The following DIP2C variants were observed in gnomAD, a reference collection of about 807,000 sequenced individuals.
DIP2C encodes the protein disco-interacting protein 2 homolog C.
A neutral mutation model predicts 192.4 loss-of-function variants in DIP2C; 33 were observed. The observed-to-expected ratio is 0.17, with a 90% CI of 0.13 to 0.23. The LOEUF is 0.23. Among genes scored for constraint, DIP2C ranks in the 10% least tolerant of loss-of-function variants. The pLI is 1.00. For missense variants in DIP2C, 1,537 were observed against 2,110.1 expected (o/e 0.73, Z 5.32); for synonymous variants, 979 against 864.1 (o/e 1.13, Z -2.33).
At chr10:556,488 C>T (rs1030248375) in intron 1 of DIP2C, among the ~76,000 whole-genome samples, 21 of 149,822 alleles carry the variant, frequency 1.4e-4, no homozygotes, top group Admixed American at 1.0e-3. Flanking sequence ...TGGCAGCGGC[C>T]ACCTGACTCT....
Position 652,982 on chromosome 10 carries a change from G to A in DIP2C, c.85+36512C>T, listed in dbSNP as rs549306083. On this transcript the variant is annotated intron_variant, in intron 1 of 36. Coordinates refer to ENST00000280886, the MANE Select transcript of DIP2C (RefSeq NM_014974.3). This position sits in a 1 kb window ranked among gnomAD's most constrained non-coding sequence, Gnocchi z 4.5. ...CTGTGGGCATCTCAAGGTGCCCCAC[G>A]TCCCCAAAGACCAAGGGGTCACAGC... 1.1e-3 allele frequency among the ~76,000 whole-genome samples: 169 copies of A among 152,010 alleles called. No individual in the cohort carries two copies. The highest frequency in any genetic ancestry group is 4.0e-3 in the African/African-American group (164 of 41,422).
intron 1 of DIP2C, among the ~76,000 whole-genome samples, chr10:556,338 G>A (rs74115054): frequency 0.25 from 4,337 of 17,358 alleles, 180 homozygotes; most frequent in East Asian, 0.3. Context: ...ATCCCAGGAC[G>A]GCACCCACCC....
chr10:344,797 C>T lies in DIP2C; in HGVS notation c.3453+12G>A. ...TGCCTCCATGGCCACCGCCCGCAGC[C>T]ACCCCCCTCACCTTTACGCCAGCTA... On this transcript the variant is annotated intron_variant, in intron 28 of 36. Transcript: ENST00000280886. 1 of 1,573,466 alleles carries T rather than the reference C, an allele frequency of 6.4e-7. No homozygotes were observed. Among genetic ancestry groups the T allele is most frequent in the Non-Finnish European group, 8.6e-7 (1 of 1,159,736 alleles).
chr10:274,631 A>G lies in DIP2C; in HGVS notation c.*2694T>C, dbSNP rs1954422423. ...GTTGAGTACATGAGTTTCTCTAACC[A>G]GTCACCACACTCTGAAATAACGCTG... On this transcript the variant is annotated 3_prime_UTR_variant, in exon 37 of 37. Transcript: ENST00000280886. The G allele has an allele frequency of 6.6e-6, 1 of 152,234 alleles. No homozygotes were observed. The highest frequency in any genetic ancestry group is 1.5e-5 in the Non-Finnish European group (1 of 68,036). The allele number at this position is 152,234 out of a possible 1,614,324, so 9.4% of individuals were successfully genotyped here.
chr10:396,071 G>A (rs1963965174), intron 10 of DIP2C, among the ~76,000 whole-genome samples: 2 of 152,168 alleles, frequency 1.3e-5, no homozygotes, highest in Admixed American at 1.3e-4. Context: ...TGTGGGAGAG[G>A]AAAACTGTCC....
rs184171662 is a variant in DIP2C at position 408,394 on chromosome 10, T to G, written c.1149+532A>C. On this transcript the variant is annotated intron_variant, in intron 9 of 36. Transcript: ENST00000280886. ...GAAATATGACACCTACAATTTACTT[T>G]TAAAAGAGGCCAAACGTGTTCAATA... 7.2e-5 allele frequency among the ~76,000 whole-genome samples: 11 copies of G among 152,322 alleles called. No homozygotes were observed. In the East Asian group the frequency reaches 1.9e-3, roughly 27 times the overall value.
chr10:606,638 G>A (rs915444020), intron 1 of DIP2C, among the ~76,000 whole-genome samples: 13 of 152,120 alleles, frequency 8.5e-5, no homozygotes, highest in Non-Finnish European at 1.6e-4. Flanking sequence ...GGGATCTCAT[G>A]GCCCCACTGC....
chr10:358,224 C>T (rs982023558), intron 22 of DIP2C, among the ~76,000 whole-genome samples: 1 of 151,878 alleles, frequency 6.6e-6, no homozygotes, highest in African/African-American at 2.4e-5. Context: ...CCCCGTGTGC[C>T]GGCACTCACA....
rs528680786 is a variant in DIP2C at position 361,662 on chromosome 10, A to G, written c.2794+828T>C. The stretch of plus-strand genomic sequence containing the variant: ...TCACTTCGGAGTTTACAATGAGGAT[A>G]CCCTGGAGAGCGCTGACACCATTAT... On this transcript the variant is annotated intron_variant, in intron 22 of 36. Transcript: ENST00000280886. 2.0e-5 allele frequency among the ~76,000 whole-genome samples: 3 copies of G among 152,274 alleles called. No individual in the cohort carries two copies. The East Asian group carries it at 5.8e-4, about 29-fold the overall frequency.
intron 32 of DIP2C, among the ~76,000 whole-genome samples, chr10:305,744 A>G (rs963539451): frequency 5.3e-5 from 8 of 152,118 alleles, no homozygotes; most frequent in African/African-American, 1.7e-4. Context: ...TCTCAGGATC[A>G]AGCAGTCCTC....
chr10:284,744 TCA>T lies in DIP2C; in HGVS notation c.4120-1300_4120-1299del, dbSNP rs201336183. Among the ~76,000 whole-genome samples the T allele has an allele frequency of 1.6e-3, 242 of 151,462 alleles. 1 individual carries two copies. The highest frequency in any genetic ancestry group is 5.5e-3 in the African/African-American group (227 of 41,362). ...ACAGAATAGATCCTAAATGTTCTCA[TCA>T]CACACACACACACAATGTGAGCTGA... On this transcript the variant is annotated intron_variant, in intron 34 of 36. Coordinates refer to ENST00000280886, the MANE Select transcript of DIP2C (RefSeq NM_014974.3).
rs1564684890 is a variant in DIP2C, at chr10:417,705, G to GA, written c.739+1359_739+1360insT. The stretch of plus-strand genomic sequence containing the variant: ...GCCTCCCTGTCCGCCTGTGCCTGTC[G>GA]GCTCAAATAGGCCTCCCTGTCTGCC... On this transcript the variant is annotated intron_variant, in intron 6 of 36. Transcript: ENST00000280886. Among the ~76,000 whole-genome samples the GA allele has an allele frequency of 7.0e-3, 431 of 62,014 alleles. 111 individuals are homozygous for GA. Among genetic ancestry groups the GA allele is most frequent in the Admixed American group, 0.01 (58 of 5,574 alleles). The allele number at this position is 62,014 out of a possible 152,430, so 40.7% of individuals were successfully genotyped here. A position where few individuals can be genotyped will look rare whatever the true frequency, so the allele number is the denominator to read the frequency against.
chr10:337,800 C>CGTGTGCTGTGGAGGCCTAGGCAGCTGTGT (rs1957930944), intron 29 of DIP2C, among the ~76,000 whole-genome samples: 1 of 122,652 alleles, frequency 8.2e-6, no homozygotes, highest in Non-Finnish European at 1.7e-5. Flanking sequence ...TGTGTGTGCA[C>CGTGTGCTGTGGAGGCCTAGGCAGCTGTGT]GTGTGTCGTG....
intron 1 of DIP2C, among the ~76,000 whole-genome samples, chr10:565,098 C>T (rs1388111540): frequency 6.6e-6 from 1 of 152,070 alleles, no homozygotes; most frequent in Non-Finnish European, 1.5e-5. Flanking sequence ...TCCATCACTC[C>T]CCTAATTGGT....
intron 1 of DIP2C, among the ~76,000 whole-genome samples, chr10:515,857 A>C (rs767288271): frequency 2.6e-5 from 4 of 152,160 alleles, no homozygotes; most frequent in African/African-American, 7.2e-5. Flanking sequence ...TCTCGTCTCT[A>C]AACACTATGG....
At chr10:646,524 C>T (rs1855465051) in intron 1 of DIP2C, among the ~76,000 whole-genome samples, 1 of 152,222 alleles carries the variant, frequency 6.6e-6, no homozygotes, top group Non-Finnish European at 1.5e-5. Context: ...CAGGGCCTGC[C>T]TCATGGAGCC....
chr10:417,674 G>A (rs75297125), intron 6 of DIP2C, among the ~76,000 whole-genome samples: 1,241 of 9,014 alleles, frequency 0.14, 151 homozygotes, highest in African/African-American at 0.16. Context: ...GTCAGGGCTC[G>A]GATAGGCCTC....
At position 364,649 on chromosome 10, in the gene DIP2C, T is replaced by TC; in HGVS notation, c.2269-68dup. On this transcript the variant is annotated intron_variant, in intron 19 of 36. Coordinates refer to ENST00000280886, the MANE Select transcript of DIP2C (RefSeq NM_014974.3). ...AGCTGGTTTTAATCCTCGCCGCTAC[T>TC]CCTGGGAGCACGGCACCTGCTTTGC... 3.3e-6 allele frequency: 5 copies of TC among 1,532,572 alleles called. No individual in the cohort carries two copies. The South Asian group carries it at 4.7e-5, about 14-fold the overall frequency. 94.9% of individuals were successfully genotyped at this position (1,532,572 alleles called of 1,614,324 possible).
intron 1 of DIP2C, among the ~76,000 whole-genome samples, chr10:549,511 T>G (rs142732198): frequency 1.2e-4 from 19 of 152,186 alleles, no homozygotes; most frequent in Non-Finnish European, 2.5e-4. Flanking sequence ...CACGCAGAAG[T>G]GACCCATACA....
Sources: allele counts gnomAD v4.1 joint callset (sites outside exome capture counted in the v4.1 genomes callset), GRCh38; gene constraint gnomAD v4.1.1; non-coding constraint Gnocchi (gnomAD v3.1); transcripts MANE v1.5; gene names NCBI Gene and HGNC (gene_info 2026-07-23, HGNC 2026-07-21).